Variants in SNCAIP observed in about 807,000 individuals in gnomAD.
SNCAIP encodes the protein synuclein alpha interacting protein.
In SNCAIP, 43 loss-of-function variants were observed where a neutral mutation model predicts 86.7. The observed-to-expected ratio is 0.50, with a 90% CI of 0.39 to 0.64. SNCAIP has a LOEUF of 0.64. Ranked by LOEUF, SNCAIP falls within the 30% of genes least tolerant of loss-of-function variation. The pLI is 0.00. For missense variants in SNCAIP, 981 were observed against 1,103.1 expected (o/e 0.89, Z 1.57); for synonymous variants, 417 against 427.2 (o/e 0.98, Z 0.29).
chr5:122,386,109 AT>A (rs1298088397), intron 1 of SNCAIP, among the ~76,000 whole-genome samples: 3 of 152,182 alleles, frequency 2.0e-5, no homozygotes, highest in African/African-American at 4.8e-5. Context: ...TCTCAAGGAA[AT>A]TTTGTTGGCC....
intron 1 of SNCAIP, among the ~76,000 whole-genome samples, chr5:122,376,319 T>C (rs1165759956): frequency 6.6e-6 from 1 of 151,916 alleles, no homozygotes; most frequent in African/African-American, 2.4e-5. Context: ...ACACATCCAC[T>C]GTAGAAATTG....
intron 1 of SNCAIP, among the ~76,000 whole-genome samples, chr5:122,355,538 A>G (rs1580632326): frequency 6.6e-6 from 1 of 152,184 alleles, no homozygotes; most frequent in East Asian, 1.9e-4. Context: ...CTTCCCATAA[A>G]CTCAACATGC....
intron 1 of SNCAIP, among the ~76,000 whole-genome samples, chr5:122,362,265 C>T (rs939351639): frequency 3.3e-5 from 5 of 152,118 alleles, no homozygotes; most frequent in Admixed American, 3.3e-4. Flanking sequence ...GTCCCCACCT[C>T]TTAAAATCCT....
At chr5:122,346,223 G>A (rs945472541) in intron 1 of SNCAIP, among the ~76,000 whole-genome samples, 17 of 152,238 alleles carry the variant, frequency 1.1e-4, no homozygotes, top group African/African-American at 4.1e-4. Context: ...GTCCAGTGCA[G>A]CCAGGCCGTA....
At chr5:122,450,216 G>A (rs1783417808) in intron 9 of SNCAIP, among the ~76,000 whole-genome samples, 1 of 152,048 alleles carries the variant, frequency 6.6e-6, no homozygotes. Context: ...TCTGTGAAGT[G>A]GGAATAGGAG....
intron 3 of SNCAIP, among the ~76,000 whole-genome samples, chr5:122,406,048 C>T (rs2152881634): frequency 6.6e-6 from 1 of 152,178 alleles, no homozygotes; most frequent in East Asian, 1.9e-4. Context: ...ATTTGATGGA[C>T]CATTTGGAGG....
At position 122,451,514 on chromosome 5, in the gene SNCAIP, C is replaced by G. The variant is rs772310029; in HGVS notation, c.2667C>G (p.Thr889=). The change falls in exon 10 of 11, where the codon ACC becomes ACG. Residue 889 remains threonine (T), a synonymous_variant. Transcript: ENST00000261368. ...ACCAGGCAGCCAACCAGCTGAAAAC[C>G]TCTACATTGCCCTTGACCTCACTTG... ...NNYQAANQLK[T]STLPLTSLGR... is the part of the protein sequence containing the mutation. 1 of 1,613,804 alleles carries G rather than the reference C, an allele frequency of 6.2e-7. No individual in the cohort carries two copies. Among genetic ancestry groups the G allele is most frequent in the South Asian group, 1.1e-5 (1 of 91,066 alleles).
At chr5:122,329,485 G>A (rs1754829262) in intron 1 of SNCAIP, among the ~76,000 whole-genome samples, 1 of 152,080 alleles carries the variant, frequency 6.6e-6, no homozygotes, top group African/African-American at 2.4e-5. Flanking sequence ...CCCATTTCCA[G>A]TAGGGTAGGG....
chr5:122,422,905 T>C lies in SNCAIP; in HGVS notation c.168T>C (p.Leu56=). The C allele has an allele frequency of 6.2e-7, 1 of 1,614,094 alleles. No individual in the cohort carries two copies. The highest frequency in any genetic ancestry group is 2.2e-5 in the East Asian group (1 of 44,874). The part of the protein sequence containing the change: ...SSSWNCGIST[L]ITNTQKPTGI... ...GCTGGAATTGTGGCATCTCAACTCT[T>C]ATTACAAACACGCAAAAGCCCACAG... The change falls in exon 4 of 11, where the codon CTT becomes CTC. Residue 56 remains leucine, a synonymous_variant. Transcript: ENST00000261368.
At chr5:122,405,422 T>C (rs930167245) in intron 3 of SNCAIP, among the ~76,000 whole-genome samples, 1 of 152,210 alleles carries the variant, frequency 6.6e-6, no homozygotes, top group South Asian at 2.1e-4. Flanking sequence ...TGGGTACTGT[T>C]GTAAGCACTC....
chr5:122,422,658 T>C (rs1456515038), intron 3 of SNCAIP, among the ~76,000 whole-genome samples: 2 of 152,206 alleles, frequency 1.3e-5, no homozygotes, highest in Non-Finnish European at 2.9e-5. Flanking sequence ...TAATTAATTT[T>C]GAGTCACTGT....
At chr5:122,372,883 T>C (rs1002934556) in intron 1 of SNCAIP, among the ~76,000 whole-genome samples, 2 of 152,096 alleles carry the variant, frequency 1.3e-5, no homozygotes, top group African/African-American at 2.4e-5. Flanking sequence ...CCATCTTTTG[T>C]ATTTCTAACA....
chr5:122,392,377 C>T (rs1238871813), intron 2 of SNCAIP, among the ~76,000 whole-genome samples: 4 of 151,818 alleles, frequency 2.6e-5, no homozygotes, highest in Non-Finnish European at 5.9e-5. Context: ...TTTTTGTCTA[C>T]GTGTCTGTCT....
chr5:122,421,553 C>CT (rs1015641956), intron 3 of SNCAIP, among the ~76,000 whole-genome samples: 3 of 152,132 alleles, frequency 2.0e-5, no homozygotes, highest in African/African-American at 7.2e-5. Flanking sequence ...ATCTCATGTT[C>CT]TTTTTTTCTT....
chr5:122,367,284 G>A (rs1763375336), intron 1 of SNCAIP, among the ~76,000 whole-genome samples: 1 of 152,156 alleles, frequency 6.6e-6, no homozygotes, highest in South Asian at 2.1e-4. Flanking sequence ...AGGTCCAGGT[G>A]TGATTGGATT....
At chr5:122,377,619 A>T (rs1314710431) in intron 1 of SNCAIP, among the ~76,000 whole-genome samples, 1 of 151,800 alleles carries the variant, frequency 6.6e-6, no homozygotes, top group African/African-American at 2.4e-5. Flanking sequence ...TACATGTGCC[A>T]TGCTGGTGCG....
intron 1 of SNCAIP, among the ~76,000 whole-genome samples, chr5:122,336,310 A>G (rs926001286): frequency 1.3e-5 from 2 of 152,158 alleles, no homozygotes; most frequent in African/African-American, 4.8e-5. Flanking sequence ...TATGGAAGGT[A>G]CTATTGTCCA....
At chr5:122,360,251 A>C (rs1761943066) in intron 1 of SNCAIP, among the ~76,000 whole-genome samples, 1 of 152,206 alleles carries the variant, frequency 6.6e-6, no homozygotes, top group African/African-American at 2.4e-5. Flanking sequence ...GCAAATATGT[A>C]AGAATGTTTG....
intron 1 of SNCAIP, among the ~76,000 whole-genome samples, chr5:122,367,219 T>C (rs1204243531): frequency 6.6e-6 from 1 of 152,086 alleles, no homozygotes; most frequent in Non-Finnish European, 1.5e-5. Context: ...GGACCAAGAC[T>C]TGACCATAGG....
Sources: allele counts gnomAD v4.1 joint callset (sites outside exome capture counted in the v4.1 genomes callset), GRCh38; gene constraint gnomAD v4.1.1; transcripts MANE v1.5; gene names NCBI Gene and HGNC (gene_info 2026-07-23, HGNC 2026-07-21).